The following XYLT1 variants were observed in gnomAD, a reference collection of about 807,000 sequenced individuals.
XYLT1 encodes beta-D-xylosyltransferase 1.
XYLT1 carries 36 observed loss-of-function variants against 91.3 expected under a neutral mutation model. The ratio of observed to expected loss-of-function variants is 0.39; its 90% CI spans 0.30 to 0.52. The LOEUF (loss-of-function observed/expected upper bound fraction) is 0.52, where lower values mean the gene tolerates loss of function less well. XYLT1 is among the 20% of genes least tolerant of loss of function. XYLT1 has a pLI of 0.68. For synonymous variants in XYLT1, 588 were observed against 532.0 expected, an observed-to-expected ratio of 1.11 and a Z score of -1.45; for missense variants, 1,242 against 1,284.5, an observed-to-expected ratio of 0.97 and a Z score of 0.51.
intron 1 of XYLT1, among the ~76,000 whole-genome samples, chr16:17,467,099 C>T (rs935728607): frequency 2.0e-5 from 3 of 152,190 alleles, no homozygotes; most frequent in Non-Finnish European, 4.4e-5. Context: ...GAAAAATCAA[C>T]ATTTCAAAGG....
intron 2 of XYLT1, among the ~76,000 whole-genome samples, chr16:17,262,177 C>G (rs1049878220): frequency 3.3e-5 from 5 of 152,094 alleles, no homozygotes; most frequent in African/African-American, 1.2e-4. Context: ...GAACGAGGAG[C>G]CAACGCTTGT....
Position 17,117,891 on chromosome 16 carries a change from T to C in XYLT1, c.2312A>G (p.Lys771Arg). Residue 771 changes from lysine to arginine, a missense_variant, in exon 11 of 12, where the codon AAG becomes AGG. Lys to Arg is a conservative substitution (Grantham distance 26). Coordinates refer to ENST00000261381, the MANE Select transcript of XYLT1 (RefSeq NM_022166.4). Reference protein sequence around the residue: ...GPMDEPVGMQKWGKGPNVTVT... With the variant: ...GPMDEPVGMQRWGKGPNVTVT... Reference sequence around the variant, plus strand: ...GGTCACATTAGGTCCCTTCCCCCACTTCTGCATACCCACCGGCTCATCCAT... The same window carrying C: ...GGTCACATTAGGTCCCTTCCCCCACCTCTGCATACCCACCGGCTCATCCAT... 1.2e-6 allele frequency: 2 copies of C among 1,614,046 alleles called. No homozygotes were observed. The highest frequency in any genetic ancestry group is 1.7e-6 in the Non-Finnish European group (2 of 1,180,004).
Position 17,435,638 on chromosome 16 carries a change from T to G in XYLT1, c.363+34796A>C, listed in dbSNP as rs1464623486. ...GAAGGAAAAAAAAAAGTCTAAGGAGTCTTCATTGATTCAACCGACATCTAC... is the reference window on the plus strand; with the variant it reads ...GAAGGAAAAAAAAAAGTCTAAGGAGGCTTCATTGATTCAACCGACATCTAC... On this transcript the variant is annotated intron_variant, in intron 1 of 11. Transcript: ENST00000261381. Among the ~76,000 whole-genome samples, 6 of 148,842 alleles carry G rather than the reference T, an allele frequency of 4.0e-5. No individual in the cohort carries two copies. In the East Asian group the frequency reaches 7.9e-4, roughly 20 times the overall value.
chr16:17,451,068 G>A (rs2036659647), intron 1 of XYLT1, among the ~76,000 whole-genome samples: 1 of 152,200 alleles, frequency 6.6e-6, no homozygotes, highest in Non-Finnish European at 1.5e-5. Flanking sequence ...AAGGTTGTTG[G>A]ACAGAGTGAT....
At chr16:17,427,963 C>T (rs1048397950) in intron 1 of XYLT1, among the ~76,000 whole-genome samples, 1 of 152,010 alleles carries the variant, frequency 6.6e-6, no homozygotes, top group Non-Finnish European at 1.5e-5. Flanking sequence ...GACAGTACTA[C>T]CGGAGAGGCG....
At chr16:17,416,481 G>C (rs529466382) in intron 1 of XYLT1, among the ~76,000 whole-genome samples, 1 of 152,366 alleles carries the variant, frequency 6.6e-6, no homozygotes, top group South Asian at 2.1e-4. Context: ...CGAAAGCACA[G>C]AGGGTACCTG....
chr16:17,289,712 T>C (rs1216851373), intron 2 of XYLT1, among the ~76,000 whole-genome samples: 7 of 152,152 alleles, frequency 4.6e-5, no homozygotes, highest in African/African-American at 1.7e-4. Flanking sequence ...TTCAGTTCTG[T>C]ACCTAGGAAA....
At chr16:17,316,135 T>G (rs983079886) in intron 2 of XYLT1, among the ~76,000 whole-genome samples, 2 of 152,192 alleles carry the variant, frequency 1.3e-5, no homozygotes, top group Non-Finnish European at 2.9e-5. Context: ...AGCTTTTATC[T>G]GATCAATTTT....
intron 1 of XYLT1, among the ~76,000 whole-genome samples, chr16:17,391,488 ACTCT>A (rs1371692490): frequency 1.3e-5 from 2 of 152,134 alleles, no homozygotes; most frequent in Non-Finnish European, 2.9e-5. Context: ...CATGAATTAA[ACTCT>A]CTCTATTGCA....
chr16:17,161,775 T>C (rs1350718031), intron 5 of XYLT1, among the ~76,000 whole-genome samples: 1 of 152,114 alleles, frequency 6.6e-6, no homozygotes, highest in Non-Finnish European at 1.5e-5. Context: ...TCATCTCTTG[T>C]ATCTATCTCA....
chr16:17,275,171 C>T (rs1258272694), intron 2 of XYLT1, among the ~76,000 whole-genome samples: 1 of 151,988 alleles, frequency 6.6e-6, no homozygotes, highest in Non-Finnish European at 1.5e-5. Flanking sequence ...AGGGAGACTC[C>T]ATCTCAAAAA....
intron 9 of XYLT1, among the ~76,000 whole-genome samples, chr16:17,131,357 C>T (rs554855674): frequency 5.9e-5 from 9 of 152,230 alleles, no homozygotes; most frequent in South Asian, 2.1e-4. Context: ...GGAATGCAAC[C>T]GAAGTATTCG....
chr16:17,449,542 G>A (rs972575802), intron 1 of XYLT1, among the ~76,000 whole-genome samples: 3 of 152,204 alleles, frequency 2.0e-5, no homozygotes, highest in African/African-American at 7.2e-5. Flanking sequence ...GGGGAGCTGT[G>A]CAACCTTGCG....
rs193221538 is a variant in XYLT1, at chr16:17,360,528, G to A, written c.364-2478C>T. Among the ~76,000 whole-genome samples the A allele has an allele frequency of 5.9e-5, 9 of 152,272 alleles. No homozygotes were observed. The South Asian group carries it at 8.3e-4, about 14-fold the overall frequency. On this transcript the variant is annotated intron_variant, in intron 1 of 11. Transcript: ENST00000261381. ...ATTTAGCATCTTCATTAACTAACTG[G>A]GAAGAAGATAAAGTCCTCACAAGGG...
chr16:17,306,318 C>A (rs1366033509), intron 2 of XYLT1, among the ~76,000 whole-genome samples: 1 of 152,136 alleles, frequency 6.6e-6, no homozygotes, highest in African/African-American at 2.4e-5. Flanking sequence ...ATTCGAGCTA[C>A]ACACCATTTT....
chr16:17,461,571 G>A (rs2036822759), intron 1 of XYLT1, among the ~76,000 whole-genome samples: 1 of 151,850 alleles, frequency 6.6e-6, no homozygotes, highest in African/African-American at 2.4e-5. Flanking sequence ...ACAGATGGAT[G>A]GATGAATGGA....
chr16:17,198,473 C>T, intron 4 of XYLT1, 59 bp from the exon 5 acceptor site: 20 of 1,520,358 alleles, frequency 1.3e-5, no homozygotes, highest in South Asian at 8.6e-5. Flanking sequence ...CCCAGGCATG[C>T]CCCTCACCCC....
At position 17,172,466 on chromosome 16, in the gene XYLT1, C is replaced by CTTTT. The variant is rs1157952692; in HGVS notation, c.1290-13561_1290-13558dup. Among the ~76,000 whole-genome samples, 248 of 102,588 alleles carry CTTTT rather than the reference C, an allele frequency of 2.4e-3. 2 individuals carry two copies. The highest frequency in any genetic ancestry group is 2.7e-3 in the Non-Finnish European group (147 of 54,286). 67.3% of individuals were successfully genotyped at this position (102,588 alleles called of 152,430 possible). ...TATGTGCCAAAGACTGCGTTCATTT[C>CTTTT]TTTTTTTTTTTTTTTTTTTTTTGAG... On this transcript the variant is annotated intron_variant, in intron 5 of 11. Transcript: ENST00000261381.
intron 3 of XYLT1, among the ~76,000 whole-genome samples, chr16:17,202,768 C>G (rs75595249): frequency 0.052 from 7,976 of 152,082 alleles, 280 homozygotes; most frequent in South Asian, 0.1. Context: ...TATCTGAACA[C>G]ACCACTAGAA....
Sources: gnomAD v4.1 joint callset for allele counts (sites outside exome capture counted in the v4.1 genomes callset) on GRCh38, gnomAD v4.1.1 for gene constraint, MANE v1.5 for transcripts, NCBI Gene and HGNC (gene_info 2026-07-23, HGNC 2026-07-21) for gene names.